The following CORO2B variants were observed in gnomAD, a reference collection of about 807,000 sequenced individuals.
The protein encoded by CORO2B is coronin 2B.
In CORO2B, 26 loss-of-function variants were observed where a neutral mutation model predicts 58.8. That is an observed-to-expected ratio of 0.44 (90% CI 0.32 to 0.61). The LOEUF is 0.61. Among genes scored for constraint, CORO2B ranks in the 20% least tolerant of loss-of-function variants. CORO2B has a pLI of 0.04. For synonymous variants in CORO2B, 242 were observed against 253.8 expected, an observed-to-expected ratio of 0.95 and a Z score of 0.44; for missense variants, 460 against 645.1, an observed-to-expected ratio of 0.71 and a Z score of 3.11.
At chr15:68,636,641 A>G (rs1261850981) in intron 1 of CORO2B, among the ~76,000 whole-genome samples, 1 of 152,218 alleles carries the variant, frequency 6.6e-6, no homozygotes, top group Non-Finnish European at 1.5e-5. Flanking sequence ...CCTGGAACCC[A>G]AGAATTCCAT....
At chr15:68,623,477 C>T (rs1235445644) in intron 1 of CORO2B, among the ~76,000 whole-genome samples, 1 of 152,168 alleles carries the variant, frequency 6.6e-6, no homozygotes, top group Non-Finnish European at 1.5e-5. Context: ...TTTACACCAC[C>T]TCCTCACCCC....
the CORO2B span, among the ~76,000 whole-genome samples, chr15:68,533,033 T>G: frequency 6.6e-6 from 1 of 152,216 alleles, no homozygotes; most frequent in East Asian, 1.9e-4. Context: ...TTTGCACTTT[T>G]TAGAACTCTT....
At chr15:68,647,689 CAA>C (rs3084725) in intron 2 of CORO2B, among the ~76,000 whole-genome samples, 1 of 122,782 alleles carries the variant, frequency 8.1e-6, no homozygotes, top group Non-Finnish European at 1.6e-5. Flanking sequence ...AACTCCATCT[CAA>C]AAAAAAAAAA....
At chr15:68,713,715 G>A (rs959724049) in intron 5 of CORO2B, among the ~76,000 whole-genome samples, 1 of 152,136 alleles carries the variant, frequency 6.6e-6, no homozygotes. Flanking sequence ...ACTCATGATG[G>A]CATCCAGGAT....
chr15:68,725,015 A>G (rs1315526652), intron 11 of CORO2B, among the ~76,000 whole-genome samples: 1 of 152,204 alleles, frequency 6.6e-6, no homozygotes, highest in Non-Finnish European at 1.5e-5. Flanking sequence ...GCTAGATTCC[A>G]TTCTGTATCC....
At chr15:68,534,485 TGG>T in the CORO2B span, among the ~76,000 whole-genome samples, 5 of 152,384 alleles carry the variant, frequency 3.3e-5, no homozygotes, top group East Asian at 9.6e-4. Context: ...GAGTAACTAC[TGG>T]ATAATGAACT....
chr15:68,657,134 T>A (rs1901833622), intron 2 of CORO2B, among the ~76,000 whole-genome samples: 1 of 152,168 alleles, frequency 6.6e-6, no homozygotes, highest in African/African-American at 2.4e-5. Context: ...CAGGGATAGA[T>A]CCTTTTGGCA....
At chr15:68,632,618 T>G (rs1298117980) in intron 1 of CORO2B, among the ~76,000 whole-genome samples, 1 of 152,144 alleles carries the variant, frequency 6.6e-6, no homozygotes, top group Non-Finnish European at 1.5e-5. Context: ...GGAGACAGAG[T>G]CTTGCTCTGT....
intron 3 of CORO2B, among the ~76,000 whole-genome samples, chr15:68,700,156 G>A (rs1396575614): frequency 1.3e-5 from 2 of 152,152 alleles, no homozygotes; most frequent in African/African-American, 4.8e-5. Context: ...CATTCCAGCT[G>A]GAATGGTCAA....
At chr15:68,609,215 TGTG>T (rs765229247) in intron 1 of CORO2B, among the ~76,000 whole-genome samples, 48 of 152,152 alleles carry the variant, frequency 3.2e-4, no homozygotes, top group Middle Eastern at 3.4e-3. Context: ...CATGGGGCAT[TGTG>T]GTGGTGGTGG....
At chr15:68,522,977 C>T in the CORO2B span, among the ~76,000 whole-genome samples, 1 of 152,098 alleles carries the variant, frequency 6.6e-6, no homozygotes, top group Non-Finnish European at 1.5e-5. Flanking sequence ...AGGGTTCATT[C>T]TATTCTCTGG....
In CORO2B at chr15:68,580,264, G is replaced by T. The variant is rs891473742; in HGVS notation, c.15+987G>T. Among the ~76,000 whole-genome samples, 96 of 152,350 alleles carry T rather than the reference G, an allele frequency of 6.3e-4. 1 individual carries two copies. Among genetic ancestry groups the T allele is most frequent in the African/African-American group, 2.1e-3 (88 of 41,578 alleles). ...AGCTCACAGTCTGGCGGTGGCCTCG[G>T]GCTTGGCCGTCCATTCAAGGGCCAG... On this transcript the variant is annotated intron_variant, in intron 1 of 11. Coordinates refer to ENST00000261861, the MANE Select transcript of CORO2B (RefSeq NM_006091.5).
At chr15:68,706,115 T>C (rs1596028994) in intron 3 of CORO2B, among the ~76,000 whole-genome samples, 1 of 152,254 alleles carries the variant, frequency 6.6e-6, no homozygotes, top group South Asian at 2.1e-4. Flanking sequence ...TGACGAGATA[T>C]GACACACATG....
In CORO2B at chr15:68,695,188, A is replaced by C. The variant is rs1361113950; in HGVS notation, c.265A>C (p.Asn89His). 2 of 1,614,008 alleles carry C rather than the reference A, an allele frequency of 1.2e-6. No homozygotes were observed. The highest frequency in any genetic ancestry group is 2.7e-5 in the African/African-American group (2 of 74,928). The stretch of plus-strand genomic sequence containing the variant: ...CCCCAAGGTCTGCGGCCACCAGGGC[A>C]ATGTGCTGGATATCAAATGGAACCC... ...NYPKVCGHQG[N>H]VLDIKWNPFI... is the part of the protein sequence containing the mutation. The change falls in exon 3 of 12, where the codon AAT becomes CAT. Residue 89 changes from asparagine (N) to histidine (H), a missense_variant. Asn to His is a moderately conservative substitution (Grantham distance 68). Around this residue, in one of 2 missense-constraint regions of CORO2B, gnomAD observed 352 missense variants for 543.0 expected, o/e 0.65. Coordinates refer to ENST00000261861, the MANE Select transcript of CORO2B (RefSeq NM_006091.5).
intron 2 of CORO2B, among the ~76,000 whole-genome samples, chr15:68,689,058 G>A (rs377729731): frequency 2.0e-5 from 3 of 152,032 alleles, no homozygotes; most frequent in African/African-American, 7.2e-5. Flanking sequence ...GCTCTTCCTT[G>A]GGAAGACTCA....
At chr15:68,651,382 G>A (rs1901637290) in intron 2 of CORO2B, among the ~76,000 whole-genome samples, 1 of 152,186 alleles carries the variant, frequency 6.6e-6, no homozygotes, top group African/African-American at 2.4e-5. Flanking sequence ...ATCTGGCAGC[G>A]GTGGAGATGT....
intron 2 of CORO2B, among the ~76,000 whole-genome samples, chr15:68,668,375 G>C (rs1313552810): frequency 2.0e-5 from 3 of 151,914 alleles, no homozygotes; most frequent in Non-Finnish European, 4.4e-5. Context: ...CCAGTCAGGA[G>C]ACAAACAATG....
At chr15:68,522,199 A>T in the CORO2B span, among the ~76,000 whole-genome samples, 1 of 152,054 alleles carries the variant, frequency 6.6e-6, no homozygotes, top group Non-Finnish European at 1.5e-5. Context: ...TCTTGCTTGG[A>T]CTTTGTAGTA....
At chr15:68,696,557 CA>C (rs3985628) in intron 3 of CORO2B, among the ~76,000 whole-genome samples, 13 of 110,036 alleles carry the variant, frequency 1.2e-4, no homozygotes, top group African/African-American at 3.1e-4. Flanking sequence ...GACTCTGCCT[CA>C]AAAAAAAAAA....
Sources: gnomAD v4.1 joint callset for allele counts (sites outside exome capture counted in the v4.1 genomes callset) on GRCh38, gnomAD v4.1.1 for gene constraint, gnomAD v4.1.1 regional missense constraint, MANE v1.5 for transcripts, NCBI Gene and HGNC (gene_info 2026-07-23, HGNC 2026-07-21) for gene names.